Variants in ADCY1 observed in about 807,000 individuals in gnomAD.
ADCY1 encodes adenylate cyclase 1.
ADCY1 carries 28 observed loss-of-function variants against 105.4 expected under a neutral mutation model. The ratio of observed to expected loss-of-function variants is 0.27; its 90% confidence interval spans 0.20 to 0.36. ADCY1 has a LOEUF of 0.36. Among genes scored for constraint, ADCY1 ranks in the 10% least tolerant of loss-of-function variants. The pLI is 1.00. For missense variants in ADCY1, 977 were observed against 1,434.2 expected (o/e 0.68, Z 5.15); for synonymous variants, 655 against 623.8 (o/e 1.05, Z -0.75).
rs751534529 is a variant in ADCY1 at position 45,714,043 on chromosome 7, G to A, written c.*48G>A. ...GGTGCACATGGGGTGGGAATGCTCC[G>A]GGGGTGACACAGGCCACGGTGGCTC... On this transcript the variant is annotated 3_prime_UTR_variant, in exon 20 of 20. Transcript: ENST00000297323. The A allele has an allele frequency of 9.7e-6, 7 of 721,818 alleles. No homozygotes were observed. The highest frequency in any genetic ancestry group is 8.6e-5 in the African/African-American group (5 of 57,846). 44.7% of individuals were successfully genotyped at this position (721,818 alleles called of 1,614,324 possible).
At chr7:45,712,217 A>G (rs1444971497) in intron 19 of ADCY1, among the ~76,000 whole-genome samples, 1 of 129,494 alleles carries the variant, frequency 7.7e-6, no homozygotes, top group Non-Finnish European at 1.7e-5. Context: ...ATATTAAATT[A>G]ATATTAAATA....
chr7:45,677,317 A>C (rs1007256724), intron 8 of ADCY1, among the ~76,000 whole-genome samples: 1 of 152,250 alleles, frequency 6.6e-6, no homozygotes, highest in Admixed American at 6.5e-5. Flanking sequence ...GTTCATGGCA[A>C]GTGGTTTTAA....
chr7:45,637,928 C>G (rs965161309), intron 4 of ADCY1, among the ~76,000 whole-genome samples: 35 of 152,184 alleles, frequency 2.3e-4, no homozygotes, highest in African/African-American at 8.4e-4. Context: ...ATTGTCTTCT[C>G]TCATGCTGTC....
intron 1 of ADCY1, among the ~76,000 whole-genome samples, chr7:45,583,134 A>G (rs1003291841): frequency 6.6e-6 from 1 of 152,154 alleles, no homozygotes; most frequent in African/African-American, 2.4e-5. Context: ...GTGTGCACAC[A>G]TGTGCGTGTG....
chr7:45,627,062 T>G (rs984470732), intron 4 of ADCY1, among the ~76,000 whole-genome samples: 3 of 152,126 alleles, frequency 2.0e-5, no homozygotes, highest in African/African-American at 7.2e-5. Context: ...TAGTTGAAAG[T>G]CTTGAGTTTG....
intron 1 of ADCY1, among the ~76,000 whole-genome samples, chr7:45,577,356 A>G (rs529087120): frequency 6.6e-6 from 1 of 152,338 alleles, no homozygotes; most frequent in South Asian, 2.1e-4. Flanking sequence ...ATGGGGATCA[A>G]TGCAGGGAGA....
chr7:45,692,850 A>T (rs1446497739), intron 14 of ADCY1, among the ~76,000 whole-genome samples: 1 of 152,216 alleles, frequency 6.6e-6, no homozygotes, highest in Non-Finnish European at 1.5e-5. Context: ...TCAAAATAAA[A>T]AAAAATACTA....
chr7:45,648,306 G>A (rs918622048), intron 4 of ADCY1, among the ~76,000 whole-genome samples: 3 of 152,242 alleles, frequency 2.0e-5, no homozygotes, highest in Non-Finnish European at 4.4e-5. Flanking sequence ...TAAGGGAGGT[G>A]CCGTGGGAAT....
intron 4 of ADCY1, among the ~76,000 whole-genome samples, chr7:45,638,753 C>T (rs978163196): frequency 5.9e-5 from 9 of 151,882 alleles, no homozygotes; most frequent in African/African-American, 2.2e-4. Context: ...TGGAGCATGT[C>T]TTTTAAATGC....
chr7:45,684,889 C>A, intron 11 of ADCY1, 90 bp from the exon 12 acceptor site: 1 of 1,179,848 alleles, frequency 8.5e-7, no homozygotes, highest in South Asian at 1.3e-5. Context: ...TGCAGGTCAT[C>A]TGCACATTCC....
At chr7:45,632,070 C>CT (rs1794273084) in intron 4 of ADCY1, among the ~76,000 whole-genome samples, 1 of 152,072 alleles carries the variant, frequency 6.6e-6, no homozygotes, top group Non-Finnish European at 1.5e-5. Flanking sequence ...ACTGAAAAGA[C>CT]TATCATTTCT....
chr7:45,687,205 G>A (rs1169678778), intron 14 of ADCY1, among the ~76,000 whole-genome samples: 2 of 147,832 alleles, frequency 1.4e-5, no homozygotes, highest in Non-Finnish European at 3.0e-5. Context: ...ACTCCATGGA[G>A]TAGCAAACAT....
rs1035671675 is a variant in ADCY1, at chr7:45,722,043, GC to G, written c.*8051del. 3 of 386,156 alleles carry G rather than the reference GC, an allele frequency of 7.8e-6. No homozygotes were observed. Among genetic ancestry groups the G allele is most frequent in the African/African-American group, 6.2e-5 (3 of 48,374 alleles). The allele number at this position is 386,156 out of a possible 1,614,324, so 23.9% of individuals were successfully genotyped here. ...CCCAGGTGAGGGCAGTGGGAAGCTG[GC>G]CCGACGGCAGCCAGAACTTGTTTCT... On this transcript the variant is annotated 3_prime_UTR_variant, in exon 20 of 20. Coordinates refer to ENST00000297323, the MANE Select transcript of ADCY1 (RefSeq NM_021116.4).
chr7:45,637,615 T>C (rs181297127), intron 4 of ADCY1, among the ~76,000 whole-genome samples: 3 of 152,184 alleles, frequency 2.0e-5, no homozygotes. Flanking sequence ...GTCCTACTTA[T>C]TTGGGAGGCT....
chr7:45,670,257 A>T (rs1243775372), intron 8 of ADCY1, among the ~76,000 whole-genome samples: 1 of 152,120 alleles, frequency 6.6e-6, no homozygotes, highest in African/African-American at 2.4e-5. Flanking sequence ...TGTGTGTATC[A>T]TCTACTCACT....
chr7:45,695,007 C>T (rs1182482394), intron 14 of ADCY1, among the ~76,000 whole-genome samples: 1 of 152,230 alleles, frequency 6.6e-6, no homozygotes, highest in Non-Finnish European at 1.5e-5. Flanking sequence ...CTGGTATTTT[C>T]CCTTTGAACT....
chr7:45,677,868 G>A lies in ADCY1; in HGVS notation c.1606-1G>A. 1 of 1,613,506 alleles carries A rather than the reference G, an allele frequency of 6.2e-7. No individual in the cohort carries two copies. Among genetic ancestry groups the A allele is most frequent in the Non-Finnish European group, 8.5e-7 (1 of 1,179,798 alleles). On this transcript the variant is annotated splice_acceptor_variant, in intron 8 of 19. Transcript: ENST00000297323. LOFTEE classifies it high-confidence loss of function. ...CTCCTTTATTTCCATGATGGCTCCA[G>A]CGGAGGGCATTAAGAACAGCCTCGG...
At chr7:45,590,277 A>C (rs549241492) in intron 1 of ADCY1, among the ~76,000 whole-genome samples, 1 of 152,132 alleles carries the variant, frequency 6.6e-6, no homozygotes, top group South Asian at 2.1e-4. Flanking sequence ...TTCCAGGAGG[A>C]AACCAGGGGA....
intron 2 of ADCY1, among the ~76,000 whole-genome samples, chr7:45,598,601 GC>G (rs1793137286): frequency 6.6e-6 from 1 of 152,108 alleles, no homozygotes; most frequent in African/African-American, 2.4e-5. Flanking sequence ...AGACAAAATG[GC>G]CAAATTTCCA....
Sources: gnomAD v4.1 joint callset for allele counts (sites outside exome capture counted in the v4.1 genomes callset) on GRCh38, gnomAD v4.1.1 for gene constraint, MANE v1.5 for transcripts, NCBI Gene and HGNC (gene_info 2026-07-23, HGNC 2026-07-21) for gene names.